AMD1: variants seen among roughly 807,000 people sequenced by gnomAD.
AMD1 encodes the protein S-adenosylmethionine decarboxylase proenzyme.
AMD1 carries 11 observed loss-of-function variants against 40.2 expected under a neutral mutation model. The observed-to-expected ratio is 0.27, with a 90% confidence interval of 0.17 to 0.45. AMD1 has a LOEUF of 0.45. Ranked by LOEUF, AMD1 falls within the 20% of genes least tolerant of loss-of-function variation. AMD1 has a pLI of 1.00. For synonymous variants in AMD1, 121 were observed against 130.8 expected (o/e 0.93, Z 0.51); for missense variants, 257 against 410.2 (o/e 0.63, Z 3.23).
chr6:110,831,543 C>G, the AMD1 span, among the ~76,000 whole-genome samples: 1 of 152,134 alleles, frequency 6.6e-6, no homozygotes, highest in Non-Finnish European at 1.5e-5. Flanking sequence ...AATCCTCCCA[C>G]TTTCACCTTC....
chr6:110,857,749 G>GTA, the AMD1 span, among the ~76,000 whole-genome samples: 7 of 141,428 alleles, frequency 4.9e-5, no homozygotes, highest in South Asian at 4.5e-4. Flanking sequence ...TATATAGATG[G>GTA]TATATATATA....
intron 1 of AMD1, among the ~76,000 whole-genome samples, chr6:110,885,432 TTTG>T (rs1171961344): frequency 6.6e-6 from 1 of 151,282 alleles, no homozygotes; most frequent in Non-Finnish European, 1.5e-5. Flanking sequence ...TTGTTTTTGT[TTTG>T]TTTGTTTGTT....
chr6:110,881,186 C>T (rs767309011), intron 1 of AMD1, among the ~76,000 whole-genome samples: 1 of 152,054 alleles, frequency 6.6e-6, no homozygotes, highest in African/African-American at 2.4e-5. Flanking sequence ...AGTATCTAGT[C>T]TTTAAGTGAA....
At chr6:110,867,034 C>G in the AMD1 span, among the ~76,000 whole-genome samples, 1 of 152,134 alleles carries the variant, frequency 6.6e-6, no homozygotes, top group East Asian at 1.9e-4. Context: ...AGGATGGTCT[C>G]GATCTCCTGA....
chr6:110,831,786 A>G, the AMD1 span, among the ~76,000 whole-genome samples: 3 of 152,144 alleles, frequency 2.0e-5, no homozygotes, highest in East Asian at 5.8e-4. Flanking sequence ...CACTTTTCCC[A>G]TAGGGGAAAT....
Position 110,892,729 on chromosome 6 carries a change from C to T in AMD1, c.616-6C>T, listed in dbSNP as rs764450124. 1 of 1,611,628 alleles carries T rather than the reference C, an allele frequency of 6.2e-7. No individual in the cohort carries two copies. Among genetic ancestry groups the T allele is most frequent in the South Asian group, 1.1e-5 (1 of 90,870 alleles). ...CTTGTTAAACTCGGTCTTTTTCCCCCCCCAGGAGAGTGGAATTCGTGACCT... is the reference window on the plus strand; with the variant it reads ...CTTGTTAAACTCGGTCTTTTTCCCCTCCCAGGAGAGTGGAATTCGTGACCT... On this transcript the variant is annotated splice_region_variant and splice_polypyrimidine_tract_variant and intron_variant, in intron 6 of 8. Coordinates refer to ENST00000368885, the MANE Select transcript of AMD1 (RefSeq NM_001634.6).
chr6:110,894,698 C>T lies in AMD1; in HGVS notation c.*1082C>T, dbSNP rs1007740779. The T allele has an allele frequency of 6.6e-6, 1 of 152,196 alleles. No homozygotes were observed. The highest frequency in any genetic ancestry group is 1.5e-5 in the Non-Finnish European group (1 of 68,042). 9.4% of individuals were successfully genotyped at this position (152,196 alleles called of 1,614,324 possible). On this transcript the variant is annotated 3_prime_UTR_variant, in exon 9 of 9. Coordinates refer to ENST00000368885, the MANE Select transcript of AMD1 (RefSeq NM_001634.6). Reference sequence around the variant, plus strand: ...TTCACCTTAACTTTTCCTTTAGCAGCCATTTCCACTAGTTTCCATTAAGTA... The same window carrying T: ...TTCACCTTAACTTTTCCTTTAGCAGTCATTTCCACTAGTTTCCATTAAGTA...
At chr6:110,814,869 C>T in the AMD1 span, 1 of 1,118,580 alleles carries the variant, frequency 8.9e-7, no homozygotes, top group Non-Finnish European at 1.3e-6. Flanking sequence ...CCCTCGGAGT[C>T]GGTGTCCGGA....
rs1013886099 is a variant in AMD1, at chr6:110,895,234, A to G, written c.*1618A>G. On this transcript the variant is annotated 3_prime_UTR_variant, in exon 9 of 9. Coordinates refer to ENST00000368885, the MANE Select transcript of AMD1 (RefSeq NM_001634.6). ...CTAAAATCTACTTGGTTTGAAATCAAGTGGTTGGAACACTGTTTGACTTTT... is the reference window on the plus strand; with the variant it reads ...CTAAAATCTACTTGGTTTGAAATCAGGTGGTTGGAACACTGTTTGACTTTT... The G allele has an allele frequency of 3.3e-5, 5 of 152,210 alleles. No homozygotes were observed. The highest frequency in any genetic ancestry group is 1.2e-4 in the African/African-American group (5 of 41,454). 9.4% of individuals were successfully genotyped at this position (152,210 alleles called of 1,614,324 possible).
chr6:110,860,838 CACACACA>C, the AMD1 span, among the ~76,000 whole-genome samples: 158 of 141,554 alleles, frequency 1.1e-3, 2 homozygotes, highest in Middle Eastern at 3.5e-3. Context: ...CCCACCCACA[CACACACA>C]CACACACACA....
At chr6:110,821,616 A>G in the AMD1 span, among the ~76,000 whole-genome samples, 2 of 152,208 alleles carry the variant, frequency 1.3e-5, no homozygotes, top group African/African-American at 4.8e-5. Flanking sequence ...CCATCTAAAA[A>G]AAGAAGAAGA....
At chr6:110,821,373 T>C in the AMD1 span, among the ~76,000 whole-genome samples, 1 of 150,984 alleles carries the variant, frequency 6.6e-6, no homozygotes, top group African/African-American at 2.4e-5. Context: ...CCGAGGCGGG[T>C]GGATCACTAG....
chr6:110,860,758 C>T, the AMD1 span, among the ~76,000 whole-genome samples: 1 of 151,426 alleles, frequency 6.6e-6, no homozygotes, highest in Non-Finnish European at 1.5e-5. Flanking sequence ...CAAGATCATG[C>T]CACTGCACTC....
rs571885251 is a variant in AMD1 at position 110,874,801 on chromosome 6, C to T, written c.-305C>T. 5 of 288,258 alleles carry T rather than the reference C, an allele frequency of 1.7e-5. No individual in the cohort carries two copies. The East Asian group carries it at 2.3e-4, about 13-fold the overall frequency. The allele number at this position is 288,258 out of a possible 1,614,324, so 17.9% of individuals were successfully genotyped here. A position where few individuals can be genotyped will look rare whatever the true frequency, so the allele number is the denominator to read the frequency against. ...AGCGCTCTCGCTTACACAGTATGGCCGGCGACATTAGCTAGCGCTCGCTCT... is the reference window on the plus strand; with the variant it reads ...AGCGCTCTCGCTTACACAGTATGGCTGGCGACATTAGCTAGCGCTCGCTCT... On this transcript the variant is annotated 5_prime_UTR_variant, in exon 1 of 9. Coordinates refer to ENST00000368885, the MANE Select transcript of AMD1 (RefSeq NM_001634.6).
intron 1 of AMD1, among the ~76,000 whole-genome samples, chr6:110,886,489 A>G (rs1043356439): frequency 6.6e-6 from 1 of 152,124 alleles, no homozygotes; most frequent in Non-Finnish European, 1.5e-5. Context: ...TATTTTTAGT[A>G]GAAACAGGGT....
the AMD1 span, among the ~76,000 whole-genome samples, chr6:110,862,904 G>T: frequency 6.6e-6 from 1 of 152,150 alleles, no homozygotes; most frequent in African/African-American, 2.4e-5. Flanking sequence ...CCTCACGATA[G>T]GAAAACCAAG....
chr6:110,847,896 AGT>A, the AMD1 span, among the ~76,000 whole-genome samples: 2 of 151,164 alleles, frequency 1.3e-5, no homozygotes, highest in Admixed American at 1.3e-4. Flanking sequence ...ATTTTTTTTT[AGT>A]AGAGACAGGG....
intron 1 of AMD1, among the ~76,000 whole-genome samples, chr6:110,886,937 G>A (rs1785725460): frequency 6.6e-6 from 1 of 152,128 alleles, no homozygotes; most frequent in Non-Finnish European, 1.5e-5. Flanking sequence ...TGCTTGTACT[G>A]CACATTTCCT....
chr6:110,826,680 TTTTC>T, the AMD1 span, among the ~76,000 whole-genome samples: 2 of 145,876 alleles, frequency 1.4e-5, no homozygotes, highest in Admixed American at 6.8e-5. Context: ...TTCCCTTTTC[TTTTC>T]TTTCTTTTTT....
Sources: gnomAD v4.1 joint callset for allele counts (sites outside exome capture counted in the v4.1 genomes callset) on GRCh38, gnomAD v4.1.1 for gene constraint, MANE v1.5 for transcripts, NCBI Gene and HGNC (gene_info 2026-07-23, HGNC 2026-07-21) for gene names.